CDK14: variants seen among roughly 807,000 people sequenced by gnomAD.
CDK14 encodes the protein cyclin dependent kinase 14, also known as cyclin-dependent kinase 14.
Under a neutral mutation model 60.7 loss-of-function variants are expected in CDK14, and 34 were observed. The ratio of observed to expected loss-of-function variants is 0.56; its 90% CI spans 0.43 to 0.75. CDK14 has a LOEUF of 0.75. Ranked by LOEUF, CDK14 falls within the 30% of genes least tolerant of loss-of-function variation. The pLI is 0.00. For missense variants in CDK14, 482 were observed against 564.1 expected (o/e 0.85, Z 1.47); for synonymous variants, 197 against 203.7 (o/e 0.97, Z 0.28).
intron 4 of CDK14, among the ~76,000 whole-genome samples, chr7:90,748,320 G>C (rs1279201299): frequency 1.3e-5 from 2 of 151,798 alleles, no homozygotes; most frequent in African/African-American, 4.8e-5. Flanking sequence ...TCTCTCCATT[G>C]CTCTCTGGGG....
chr7:90,733,257 T>A (rs1223221369), intron 3 of CDK14, among the ~76,000 whole-genome samples: 5 of 152,194 alleles, frequency 3.3e-5, no homozygotes, highest in Non-Finnish European at 7.3e-5. Context: ...TACTTCCAGT[T>A]ATGTGGTCAA....
intron 4 of CDK14, among the ~76,000 whole-genome samples, chr7:90,768,490 A>C: frequency 6.6e-6 from 1 of 152,214 alleles, no homozygotes; most frequent in Non-Finnish European, 1.5e-5. Context: ...GTGTTTACGT[A>C]TGTCATTGGT....
intron 2 of CDK14, among the ~76,000 whole-genome samples, chr7:90,634,545 G>A (rs1800087891): frequency 1.3e-5 from 2 of 151,826 alleles, no homozygotes; most frequent in Admixed American, 1.3e-4. Context: ...TTGGACATTT[G>A]GGTTGGTTCC....
chr7:90,899,420 G>A (rs190268211), intron 7 of CDK14, 67 bp downstream of exon 7: 11 of 1,209,304 alleles, frequency 9.1e-6, no homozygotes, highest in Non-Finnish European at 1.0e-5. Flanking sequence ...CTGAAGTCTA[G>A]CATCTCTACC....
In CDK14 at chr7:90,964,063, A is replaced by G. The variant is rs369961330; in HGVS notation, c.947+8246A>G. Among the ~76,000 whole-genome samples, 5 of 152,318 alleles carry G rather than the reference A, an allele frequency of 3.3e-5. No individual in the cohort carries two copies. In the South Asian group the frequency reaches 6.2e-4, roughly 19 times the overall value. ...AGAAGAATTACATAATTGTTTTATGATAATTATCCTTGACTACAAAGATCA... is the reference window on the plus strand; with the variant it reads ...AGAAGAATTACATAATTGTTTTATGGTAATTATCCTTGACTACAAAGATCA... On this transcript the variant is annotated intron_variant, in intron 9 of 14. Transcript: ENST00000380050.
At chr7:90,872,749 T>C (rs1293724280) in intron 6 of CDK14, among the ~76,000 whole-genome samples, 1 of 152,206 alleles carries the variant, frequency 6.6e-6, no homozygotes, top group Non-Finnish European at 1.5e-5. Flanking sequence ...TGATTTGGTA[T>C]TTAATTCACA....
intron 4 of CDK14, among the ~76,000 whole-genome samples, chr7:90,772,108 G>C (rs1405435780): frequency 6.6e-6 from 1 of 152,180 alleles, no homozygotes; most frequent in Non-Finnish European, 1.5e-5. Flanking sequence ...TGGGTTCATA[G>C]AGTAACATCT....
chr7:91,116,570 C>T (rs1799616482), intron 13 of CDK14, among the ~76,000 whole-genome samples: 1 of 152,142 alleles, frequency 6.6e-6, no homozygotes, highest in South Asian at 2.1e-4. Context: ...TAGCTCTATG[C>T]TGTCTTTTTA....
intron 14 of CDK14, among the ~76,000 whole-genome samples, chr7:91,171,354 A>T (rs945593871): frequency 6.6e-6 from 1 of 152,122 alleles, no homozygotes; most frequent in Non-Finnish European, 1.5e-5. Context: ...CATCTAAAAA[A>T]AATTAAAAAA....
intron 11 of CDK14, among the ~76,000 whole-genome samples, chr7:91,047,136 T>C (rs571527618): frequency 6.6e-6 from 1 of 152,312 alleles, no homozygotes; most frequent in Admixed American, 6.5e-5. Context: ...CCACGTGTTC[T>C]TAATGGAGTG....
intron 6 of CDK14, among the ~76,000 whole-genome samples, chr7:90,884,421 A>G (rs879435110): frequency 8.5e-5 from 13 of 152,188 alleles, no homozygotes; most frequent in Non-Finnish European, 1.5e-4. Context: ...ACCATTGCTC[A>G]AGGAAATAAG....
At chr7:91,075,616 A>C (rs1399332553) in intron 11 of CDK14, among the ~76,000 whole-genome samples, 2 of 152,242 alleles carry the variant, frequency 1.3e-5, no homozygotes, top group Non-Finnish European at 2.9e-5. Context: ...AGTCCTGGCC[A>C]GGGCAATCAG....
chr7:90,799,758 C>T (rs1038385854), intron 5 of CDK14, among the ~76,000 whole-genome samples: 1 of 138,752 alleles, frequency 7.2e-6, no homozygotes. Flanking sequence ...TATACTTAAA[C>T]GTTATACTCT....
intron 5 of CDK14, among the ~76,000 whole-genome samples, chr7:90,826,873 A>G (rs988054993): frequency 3.3e-5 from 5 of 152,130 alleles, no homozygotes; most frequent in African/African-American, 9.7e-5. Flanking sequence ...TTGATGAACC[A>G]AATTTATACA....
intron 10 of CDK14, among the ~76,000 whole-genome samples, chr7:91,024,747 G>A (rs1796528801): frequency 6.6e-6 from 1 of 152,208 alleles, no homozygotes; most frequent in African/African-American, 2.4e-5. Context: ...TCATGTGACT[G>A]GTAAGTAAGT....
At chr7:90,725,985 A>C (rs1802618972) in intron 2 of CDK14, among the ~76,000 whole-genome samples, 1 of 152,140 alleles carries the variant, frequency 6.6e-6, no homozygotes, top group South Asian at 2.1e-4. Flanking sequence ...AAATAAAGGA[A>C]ACCCCCACCA....
chr7:91,174,638 G>A (rs1801661159), intron 14 of CDK14, among the ~76,000 whole-genome samples: 1 of 132,654 alleles, frequency 7.5e-6, no homozygotes, highest in Non-Finnish European at 1.6e-5. Flanking sequence ...GAAAACCAAG[G>A]CTCGAGAACT....
At chr7:90,795,760 A>G (rs150010695) in intron 5 of CDK14, among the ~76,000 whole-genome samples, 1 of 152,298 alleles carries the variant, frequency 6.6e-6, no homozygotes, top group African/African-American at 2.4e-5. Flanking sequence ...CAGAAGAAAA[A>G]TGAAACTGGC....
chr7:91,008,811 T>G (rs923927462), intron 10 of CDK14, among the ~76,000 whole-genome samples: 6 of 152,234 alleles, frequency 3.9e-5, no homozygotes, highest in Non-Finnish European at 8.8e-5. Flanking sequence ...TGTTAAATTT[T>G]TACCTCTTTA....
Sources: gnomAD v4.1 joint callset for allele counts (sites outside exome capture counted in the v4.1 genomes callset) on GRCh38, gnomAD v4.1.1 for gene constraint, MANE v1.5 for transcripts, NCBI Gene and HGNC (gene_info 2026-07-23, HGNC 2026-07-21) for gene names.